Variants in PTPRK observed in about 807,000 individuals in gnomAD.
PTPRK encodes the protein protein tyrosine phosphatase receptor type K.
A neutral mutation model predicts 178.0 loss-of-function variants in PTPRK; 75 were observed. The observed-to-expected ratio is 0.42, with a 90% CI of 0.35 to 0.51. The LOEUF is 0.51. Among genes scored for constraint, PTPRK ranks in the 20% least tolerant of loss-of-function variants. The pLI, the probability that PTPRK is intolerant of heterozygous loss-of-function variation, is 0.02. For synonymous variants in PTPRK, 637 were observed against 620.6 expected (o/e 1.03, Z -0.39); for missense variants, 1,441 against 1,797.8 (o/e 0.80, Z 3.59).
chr6:128,214,851 A>G (rs777009482), intron 6 of PTPRK, among the ~76,000 whole-genome samples: 12 of 152,104 alleles, frequency 7.9e-5, no homozygotes, highest in Non-Finnish European at 1.3e-4. Context: ...CATCTGTTTG[A>G]ATTTCTTATG....
intron 2 of PTPRK, among the ~76,000 whole-genome samples, chr6:128,341,268 T>C (rs574774119): frequency 6.6e-6 from 1 of 152,232 alleles, no homozygotes; most frequent in Non-Finnish European, 1.5e-5. Context: ...ATCTTAAGTA[T>C]ATGTATATTA....
intron 3 of PTPRK, among the ~76,000 whole-genome samples, chr6:128,261,361 A>C (rs1224777616): frequency 6.6e-6 from 1 of 152,212 alleles, no homozygotes; most frequent in African/African-American, 2.4e-5. Flanking sequence ...AACAAAAAAC[A>C]GCAAATTTTC....
At chr6:128,327,204 T>C (rs1022961804) in intron 2 of PTPRK, among the ~76,000 whole-genome samples, 1 of 152,104 alleles carries the variant, frequency 6.6e-6, no homozygotes, top group Non-Finnish European at 1.5e-5. Flanking sequence ...CTTCTATGAA[T>C]AAGGTATTTA....
Position 127,970,205 on chromosome 6 carries a change from C to T in PTPRK, c.*22G>A, listed in dbSNP as rs1773749512. 2 of 1,582,782 alleles carry T rather than the reference C, an allele frequency of 1.3e-6. No individual in the cohort carries two copies. The highest frequency in any genetic ancestry group is 1.1e-5 in the South Asian group (1 of 89,068). ...AGATGGACAGGTTTCTTCATGGATG[C>T]ACTTTAAAGAGTCTCACCCAACTAA... On this transcript the variant is annotated 3_prime_UTR_variant, in exon 30 of 30. Transcript: ENST00000368226.
chr6:128,461,131 C>A (rs1849002551), intron 1 of PTPRK, among the ~76,000 whole-genome samples: 1 of 152,012 alleles, frequency 6.6e-6, no homozygotes, highest in Non-Finnish European at 1.5e-5. Context: ...GCACATCAAC[C>A]TCTGTATTGT....
intron 15 of PTPRK, among the ~76,000 whole-genome samples, chr6:128,000,902 G>A (rs1225521610): frequency 1.3e-5 from 2 of 152,032 alleles, no homozygotes; most frequent in Non-Finnish European, 2.9e-5. Flanking sequence ...GAGAAACACA[G>A]AATTCACCCA....
At chr6:128,502,745 T>C (rs1855743051) in intron 1 of PTPRK, among the ~76,000 whole-genome samples, 1 of 152,224 alleles carries the variant, frequency 6.6e-6, no homozygotes, top group Admixed American at 6.5e-5. Context: ...AACTTATCAC[T>C]TTCTAATTAT....
chr6:128,340,902 G>T (rs1017890944), intron 2 of PTPRK: 4 of 331,758 alleles, frequency 1.2e-5, no homozygotes, highest in Admixed American at 4.7e-5. Flanking sequence ...GCTTTTGATA[G>T]ACTAATAGAT....
chr6:128,380,319 G>C (rs569101172), intron 2 of PTPRK, among the ~76,000 whole-genome samples: 1 of 152,036 alleles, frequency 6.6e-6, no homozygotes, highest in Non-Finnish European at 1.5e-5. Context: ...GTAGAAAAAA[G>C]TATCAACTTT....
chr6:128,103,493 T>G (rs1789139851), intron 7 of PTPRK, among the ~76,000 whole-genome samples: 2 of 152,138 alleles, frequency 1.3e-5, no homozygotes, highest in Admixed American at 1.3e-4. Context: ...ACTGTGGGGC[T>G]AGAGCCCAAA....
At chr6:127,977,633 C>T (rs993016026) in intron 25 of PTPRK, among the ~76,000 whole-genome samples, 1 of 152,136 alleles carries the variant, frequency 6.6e-6, no homozygotes, top group Non-Finnish European at 1.5e-5. Context: ...GCAGACAATC[C>T]ACCTTCCACA....
intron 13 of PTPRK, among the ~76,000 whole-genome samples, chr6:128,058,263 T>C (rs1025422062): frequency 6.6e-6 from 1 of 152,204 alleles, no homozygotes; most frequent in Non-Finnish European, 1.5e-5. Context: ...TGCAAATTTA[T>C]ACCCCCACCA....
intron 3 of PTPRK, among the ~76,000 whole-genome samples, chr6:128,296,599 C>A (rs958739574): frequency 7.9e-5 from 12 of 152,184 alleles, no homozygotes; most frequent in East Asian, 3.9e-4. Flanking sequence ...AATTTTCAAC[C>A]CAGAATTTCA....
At chr6:128,401,265 C>T (rs1024874979) in intron 1 of PTPRK, among the ~76,000 whole-genome samples, 5 of 152,022 alleles carry the variant, frequency 3.3e-5, no homozygotes, top group African/African-American at 9.7e-5. Flanking sequence ...CGAAACTGCT[C>T]GGTGAAAAAT....
intron 1 of PTPRK, among the ~76,000 whole-genome samples, chr6:128,483,509 A>C (rs967217644): frequency 6.6e-6 from 1 of 152,026 alleles, no homozygotes; most frequent in Non-Finnish European, 1.5e-5. Flanking sequence ...TGCATAGGTA[A>C]AGTGTAGTAA....
intron 13 of PTPRK, among the ~76,000 whole-genome samples, chr6:128,034,618 A>T (rs2114810750): frequency 6.6e-6 from 1 of 152,310 alleles, no homozygotes; most frequent in Non-Finnish European, 1.5e-5. Context: ...TTTATTAAGT[A>T]GGCCATCAAA....
At chr6:128,246,662 C>T (rs1406020241) in intron 3 of PTPRK, among the ~76,000 whole-genome samples, 2 of 152,226 alleles carry the variant, frequency 1.3e-5, no homozygotes, top group African/African-American at 4.8e-5. Context: ...CGTGCTTGGG[C>T]TAATGCTCAG....
At chr6:127,997,076 C>T in intron 16 of PTPRK, 88 bp from the exon 17 acceptor site, 1 of 1,359,294 alleles carries the variant, frequency 7.4e-7, no homozygotes, top group Non-Finnish European at 1.0e-6. Context: ...ATAGTAAAAA[C>T]CACTTTCTCA....
chr6:128,120,612 T>G (rs1792301386), intron 7 of PTPRK, among the ~76,000 whole-genome samples: 1 of 151,964 alleles, frequency 6.6e-6, no homozygotes, highest in African/African-American at 2.4e-5. Context: ...ATTTCTTTAC[T>G]TATTGAATAT....
Sources: allele counts gnomAD v4.1 joint callset (sites outside exome capture counted in the v4.1 genomes callset), GRCh38; gene constraint gnomAD v4.1.1; transcripts MANE v1.5; gene names NCBI Gene and HGNC (gene_info 2026-07-23, HGNC 2026-07-21).